WWOX: variants seen among roughly 807,000 people sequenced by gnomAD.
The protein encoded by WWOX is WW domain-containing oxidoreductase.
In WWOX, 69 loss-of-function variants were observed where a neutral mutation model predicts 46.2. The observed-to-expected ratio is 1.49, with a 90% confidence interval of 1.23 to 1.82. The LOEUF (loss-of-function observed/expected upper bound fraction) is 1.82. Among genes scored for constraint, WWOX ranks in the 40% most tolerant of loss-of-function variants. The pLI, the probability that WWOX is intolerant of heterozygous loss-of-function variation, is 0.00. For missense variants in WWOX, 919 were observed against 542.6 expected (o/e 1.69, Z -6.89); for synonymous variants, 359 against 202.6 (o/e 1.77, Z -6.56).
chr16:79,058,114 A>AAAAC (rs797022178), intron 8 of WWOX, among the ~76,000 whole-genome samples: 59,443 of 129,730 alleles, frequency 0.46, 13,038 homozygotes, highest in Admixed American at 0.49. Context: ...CTTAAAAAAA[A>AAAAC]AAAAAACAAA....
chr16:78,515,053 C>T (rs1219855025), intron 8 of WWOX, among the ~76,000 whole-genome samples: 6 of 152,028 alleles, frequency 3.9e-5, no homozygotes, highest in Admixed American at 3.3e-4. Flanking sequence ...AACCCCACCT[C>T]TACTAAAAAT....
intron 8 of WWOX, among the ~76,000 whole-genome samples, chr16:78,806,599 A>C (rs755597898): frequency 2.0e-5 from 3 of 152,060 alleles, no homozygotes. Flanking sequence ...GTCTCCATGT[A>C]CCCTGAGCTT....
intron 8 of WWOX, among the ~76,000 whole-genome samples, chr16:79,177,606 G>A (rs1242871048): frequency 6.6e-6 from 1 of 152,112 alleles, no homozygotes; most frequent in Non-Finnish European, 1.5e-5. Context: ...GGAAAAAAGT[G>A]GGAGCATCAG....
intron 5 of WWOX, among the ~76,000 whole-genome samples, chr16:78,213,597 G>C (rs762478249): frequency 2.0e-4 from 31 of 151,764 alleles, no homozygotes; most frequent in Non-Finnish European, 4.1e-4. Context: ...GGATTTTTGT[G>C]GGGGAGAGGG....
At chr16:78,412,135 G>C (rs926397194) in intron 6 of WWOX, among the ~76,000 whole-genome samples, 2 of 152,150 alleles carry the variant, frequency 1.3e-5, no homozygotes, top group Admixed American at 6.5e-5. Flanking sequence ...GGTATTTTAG[G>C]GGTTCCTAAT....
chr16:78,828,217 T>C (rs962383381), intron 8 of WWOX, among the ~76,000 whole-genome samples: 5 of 152,152 alleles, frequency 3.3e-5, no homozygotes, highest in Non-Finnish European at 7.4e-5. Context: ...AAGACCTGGC[T>C]TCTGCTCCCT....
At chr16:78,101,978 A>T (rs1475668829) in intron 1 of WWOX, among the ~76,000 whole-genome samples, 2 of 151,822 alleles carry the variant, frequency 1.3e-5, no homozygotes, top group African/African-American at 4.8e-5. Context: ...GTCGTGAGGG[A>T]ATATGGTGGC....
intron 5 of WWOX, among the ~76,000 whole-genome samples, chr16:78,323,523 A>T (rs2151885810): frequency 6.6e-6 from 1 of 152,258 alleles, no homozygotes; most frequent in African/African-American, 2.4e-5. Context: ...AGCTCTATTT[A>T]AACTAATAGG....
intron 8 of WWOX, among the ~76,000 whole-genome samples, chr16:78,524,513 C>T (rs890578311): frequency 4.6e-5 from 7 of 151,148 alleles, no homozygotes; most frequent in East Asian, 2.0e-4. Flanking sequence ...CTCTGCCTCC[C>T]GTGTCCAAGT....
intron 8 of WWOX, among the ~76,000 whole-genome samples, chr16:78,629,233 T>A (rs1325045767): frequency 2.1e-5 from 3 of 141,862 alleles, no homozygotes; most frequent in African/African-American, 7.5e-5. Flanking sequence ...TTCTCTTGGG[T>A]ATTTTATTTT....
Position 78,864,754 on chromosome 16 carries a change from CTTTTTTTTT to C in WWOX, c.1057-346834_1057-346826del, listed in dbSNP as rs57606576. On this transcript the variant is annotated intron_variant, in intron 8 of 8. Coordinates refer to ENST00000566780, the MANE Select transcript of WWOX (RefSeq NM_016373.4). ...CTGTGTGGCTATTTTTCTCCAACTC[CTTTTTTTTT>C]TTTTTTTTTTTTTTTTTTTGAGACA... 1.1e-4 allele frequency among the ~76,000 whole-genome samples: 10 copies of C among 87,160 alleles called. No homozygotes were observed. The East Asian group carries it at 1.2e-3, about 10-fold the overall frequency. The allele number at this position is 87,160 out of a possible 152,430, so 57.2% of individuals were successfully genotyped here.
intron 6 of WWOX, among the ~76,000 whole-genome samples, chr16:78,394,839 C>G (rs544601392): frequency 5.9e-5 from 9 of 152,320 alleles, no homozygotes; most frequent in South Asian, 2.1e-4. Context: ...CCTGTATGCC[C>G]TGGAGTAGTG....
chr16:79,033,752 C>T lies in WWOX; in HGVS notation c.1057-177856C>T, dbSNP rs150770605. 9.2e-5 allele frequency among the ~76,000 whole-genome samples: 14 copies of T among 152,354 alleles called. No homozygotes were observed. In the East Asian group the frequency reaches 2.5e-3, roughly 27 times the overall value. ...AGCCCAGCCCCTGGCAACCACCATT[C>T]TCCCCTACTTTGTCTATGAATTCGA... On this transcript the variant is annotated intron_variant, in intron 8 of 8. Transcript: ENST00000566780.
At chr16:79,082,296 C>T (rs947371430) in intron 8 of WWOX, among the ~76,000 whole-genome samples, 8 of 152,264 alleles carry the variant, frequency 5.3e-5, no homozygotes, top group South Asian at 4.1e-4. Context: ...ATTTGAGACC[C>T]GTTTCTGCTT....
At chr16:78,931,835 C>T (rs1037395848) in intron 8 of WWOX, among the ~76,000 whole-genome samples, 3 of 152,134 alleles carry the variant, frequency 2.0e-5, no homozygotes, top group Non-Finnish European at 2.9e-5. Context: ...TCCCATAATC[C>T]CCACGCCACA....
intron 8 of WWOX, among the ~76,000 whole-genome samples, chr16:78,846,229 A>G (rs1007078385): frequency 2.0e-5 from 3 of 152,208 alleles, no homozygotes; most frequent in Non-Finnish European, 2.9e-5. Flanking sequence ...AGCTTCCCCT[A>G]ATACTAACAT....
In WWOX at chr16:78,532,551, C is replaced by G. The variant is rs996322386; in HGVS notation, c.1056+99799C>G. Among the ~76,000 whole-genome samples the G allele has an allele frequency of 4.0e-4, 61 of 152,198 alleles. 2 individuals carry two copies. The highest frequency in any genetic ancestry group is 3.3e-4 in the Admixed American group (5 of 15,270). On this transcript the variant is annotated intron_variant, in intron 8 of 8. Coordinates refer to ENST00000566780, the MANE Select transcript of WWOX (RefSeq NM_016373.4). ...TGATTGAGAAGAGTTTAACAAAAGA[C>G]TGTATTAGTCTGTTTTCATGCTACT... is the stretch of plus-strand genomic sequence containing the variant.
chr16:79,101,624 A>C (rs1215652352), intron 8 of WWOX: 1 of 152,092 alleles, frequency 6.6e-6, no homozygotes, highest in Non-Finnish European at 1.5e-5. Context: ...AGTCCTCTGA[A>C]ATACATGTCC....
chr16:78,588,878 G>T (rs974252429), intron 8 of WWOX, among the ~76,000 whole-genome samples: 2 of 152,190 alleles, frequency 1.3e-5, no homozygotes, highest in African/African-American at 4.8e-5. Context: ...TAGTGATAGT[G>T]TTGATAGAAG....
Sources: gnomAD v4.1 joint callset for allele counts (sites outside exome capture counted in the v4.1 genomes callset) on GRCh38, gnomAD v4.1.1 for gene constraint, MANE v1.5 for transcripts, NCBI Gene and HGNC (gene_info 2026-07-23, HGNC 2026-07-21) for gene names.